Variants in HCRTR1 observed in about 807,000 individuals in gnomAD.
The protein encoded by HCRTR1 is orexin/Hypocretin receptor type 1.
HCRTR1 carries 28 observed loss-of-function variants against 40.6 expected under a neutral mutation model. The ratio of observed to expected loss-of-function variants is 0.69; its 90% CI spans 0.51 to 0.95. The LOEUF (loss-of-function observed/expected upper bound fraction) is 0.95, where lower values mean the gene tolerates loss of function less well. Ranked by LOEUF, HCRTR1 falls within the 40% of genes least tolerant of loss-of-function variation. HCRTR1 has a pLI of 0.00. For synonymous variants in HCRTR1, 209 were observed against 230.0 expected (o/e 0.91, Z 0.83); for missense variants, 482 against 564.7 (o/e 0.85, Z 1.48).
At chr1:31,621,167 G>T in intron 5 of HCRTR1, 81 bp downstream of exon 5, 1 of 1,505,300 alleles carries the variant, frequency 6.6e-7, no homozygotes, top group Non-Finnish European at 8.9e-7. Flanking sequence ...CATCTAGCAG[G>T]GTCCCTTCCA....
Position 31,623,766 on chromosome 1 carries a change from T to G in HCRTR1, c.965+17T>G. ...CCTTAAGAGGTGAGAGCACGGGGTA[T>G]GGTTGGGGTGGGGAGAAGTTTGAGG... On this transcript the variant is annotated intron_variant, in intron 7 of 8. Coordinates refer to ENST00000403528, the MANE Select transcript of HCRTR1 (RefSeq NM_001525.3). 2 of 1,593,304 alleles carry G rather than the reference T, an allele frequency of 1.3e-6. No individual in the cohort carries two copies. Among genetic ancestry groups the G allele is most frequent in the Non-Finnish European group, 1.7e-6 (2 of 1,163,980 alleles).
At chr1:31,632,696 C>A, downstream of HCRTR1, 2 of 1,566,242 alleles carry the variant, frequency 1.3e-6, no homozygotes, top group Admixed American at 3.5e-5. Flanking sequence ...GCCAAGGGTC[C>A]CCCTCAGGAC....
downstream of HCRTR1, chr1:31,630,624 G>T: frequency 1.2e-6 from 2 of 1,612,358 alleles, no homozygotes; most frequent in Non-Finnish European, 1.7e-6. Flanking sequence ...CATAGCATCC[G>T]AGAAGCTGTC....
chr1:31,626,543 G>C lies in HCRTR1; in HGVS notation c.1088-247G>C, dbSNP rs567579380. On this transcript the variant is annotated intron_variant, in intron 8 of 8. Coordinates refer to ENST00000403528, the MANE Select transcript of HCRTR1 (RefSeq NM_001525.3). The surrounding 1 kb of genome is among the most constrained non-coding windows in gnomAD (Gnocchi z 4.6). ...CACCACGTTTTGAGTCAGCCTCCGA[G>C]CCAGAGCACAGTCAAGGAATCAGAT... 6.6e-6 allele frequency among the ~76,000 whole-genome samples: 1 copy of C among 152,266 alleles called. No individual in the cohort carries two copies. Among genetic ancestry groups the C allele is most frequent in the East Asian group, 1.9e-4 (1 of 5,166 alleles).
At position 31,623,529 on chromosome 1, in the gene HCRTR1, G is replaced by A. The variant is rs772807472; in HGVS notation, c.745G>A (p.Gly249Ser). The A allele has an allele frequency of 5.6e-6, 9 of 1,611,972 alleles. No individual in the cohort carries two copies. The highest frequency in any genetic ancestry group is 1.1e-5 in the South Asian group (1 of 90,894). ...CTCTATGTGTGCTGGACAGATCCCC[G>A]GCACCACCTCAGCACTGGTGCGGAA... ...FRKLWGRQIP[G>S]TTSALVRNWK... The change falls in exon 7 of 9, where the codon GGC becomes AGC. Residue 249 changes from glycine to serine, a missense_variant. Gly to Ser is a moderately conservative substitution (Grantham distance 56, BLOSUM62 0). Transcript: ENST00000403528.
Position 31,626,938 on chromosome 1 carries a change from T to A in HCRTR1, c.1236T>A (p.Ser412=), listed in dbSNP as rs780619942. ...LQSRCSISKI[S]EHVVLTSVTT... ...GCCGATGCTCCATCTCCAAAATCTC[T>A]GAGCATGTGGTGCTCACCAGCGTCA... is the stretch of plus-strand genomic sequence containing the variant. The change falls in exon 9 of 9, where the codon TCT becomes TCA. Residue 412 remains serine, a synonymous_variant. Coordinates refer to ENST00000403528, the MANE Select transcript of HCRTR1 (RefSeq NM_001525.3). The surrounding 1 kb of genome is among the most constrained non-coding windows in gnomAD (Gnocchi z 4.6). The A allele has an allele frequency of 3.1e-6, 5 of 1,613,542 alleles. No individual in the cohort carries two copies. In the South Asian group the frequency reaches 5.5e-5, roughly 18 times the overall value.
chr1:31,618,874 G>C (rs962594357), intron 2 of HCRTR1, 58 bp downstream of exon 2: 2 of 379,964 alleles, frequency 5.3e-6, no homozygotes, highest in South Asian at 3.0e-5. Flanking sequence ...AAAGAGGCCA[G>C]GTAAGCTACC....
intron 5 of HCRTR1, 96 bp downstream of exon 5, chr1:31,621,182 G>A (rs183789456): frequency 1.4e-6 from 2 of 1,464,984 alleles, no homozygotes; most frequent in Admixed American, 4.2e-5. Flanking sequence ...CTTCCAAAGT[G>A]GGAAATCCCA....
rs923323164 is a variant in HCRTR1 at position 31,625,520 on chromosome 1, T to C, written c.1087+402T>C. Among the ~76,000 whole-genome samples, 2 of 152,180 alleles carry C rather than the reference T, an allele frequency of 1.3e-5. No homozygotes were observed. The highest frequency in any genetic ancestry group is 3.9e-4 in the East Asian group (2 of 5,190). ...CTGGAGCCCCTGCCCGAGGAAGGAT[T>C]GCACAGTCCAGGTGTCAGGGCTAAA... is the stretch of plus-strand genomic sequence containing the variant. On this transcript the variant is annotated intron_variant, in intron 8 of 8. Transcript: ENST00000403528. This position sits in a 1 kb window ranked among gnomAD's most constrained non-coding sequence, Gnocchi z 4.2.
intron 1 of HCRTR1, among the ~76,000 whole-genome samples, chr1:31,618,325 G>A (rs1639774018): frequency 1.3e-5 from 2 of 152,222 alleles, no homozygotes; most frequent in Admixed American, 6.5e-5. Context: ...GGCGGCCGTC[G>A]GGGAGCGTCG....
Position 31,626,768 on chromosome 1 carries a change from T to C in HCRTR1, c.1088-22T>C. The C allele has an allele frequency of 1.3e-6, 2 of 1,563,482 alleles. No individual in the cohort carries two copies. The highest frequency in any genetic ancestry group is 1.7e-6 in the Non-Finnish European group (2 of 1,148,922). ...TGCTGCATCTGTCTCCTTATGGCTG[T>C]GTCTTTTGTCTCCCAACCAAGGCAA... On this transcript the variant is annotated intron_variant, in intron 8 of 8. Transcript: ENST00000403528. This position sits in a 1 kb window ranked among gnomAD's most constrained non-coding sequence, Gnocchi z 4.6.
rs1349156200 is a variant in HCRTR1, at chr1:31,627,026, C to T, written c.*46C>T. 1 of 1,571,236 alleles carries T rather than the reference C, an allele frequency of 6.4e-7. No individual in the cohort carries two copies. The highest frequency in any genetic ancestry group is 1.2e-5 in the South Asian group (1 of 86,798). ...TCCGGCTCGGGGGATCTGCCCCTAC[C>T]CCTCATGGAAAGACAGCTGGATGTG... On this transcript the variant is annotated 3_prime_UTR_variant, in exon 9 of 9. Coordinates refer to ENST00000403528, the MANE Select transcript of HCRTR1 (RefSeq NM_001525.3).
downstream of HCRTR1, among the ~76,000 whole-genome samples, chr1:31,631,378 C>T (rs1406702988): frequency 6.6e-6 from 1 of 152,168 alleles, no homozygotes; most frequent in East Asian, 1.9e-4. Flanking sequence ...CAGTGACTGG[C>T]ACAGAAAAAG....
chr1:31,628,228 CA>C (rs1201385358), downstream of HCRTR1, among the ~76,000 whole-genome samples: 1 of 152,254 alleles, frequency 6.6e-6, no homozygotes, highest in East Asian at 1.9e-4. Flanking sequence ...AGAACGTGGG[CA>C]GAGCCCTGGT....
downstream of HCRTR1, chr1:31,630,598 C>T (rs759237351): frequency 6.2e-7 from 1 of 1,610,984 alleles, no homozygotes; most frequent in Non-Finnish European, 8.5e-7. Flanking sequence ...ACTCCACTCT[C>T]CACAGATGGT....
At chr1:31,629,754 C>T (rs548502547), downstream of HCRTR1, 45 of 152,360 alleles carry the variant, frequency 3.0e-4, no homozygotes, top group African/African-American at 1.1e-3. Context: ...GGCAATGTCC[C>T]CCCAAGCTGC....
chr1:31,626,677 TC>T lies in HCRTR1; in HGVS notation c.1088-109del. 1 of 338,150 alleles carries T rather than the reference TC, an allele frequency of 3.0e-6. No individual in the cohort carries two copies. The allele number at this position is 338,150 out of a possible 1,614,324, so 20.9% of individuals were successfully genotyped here. ...CCTCCCAGCTCTATCCCTCCCTCCC[TC>T]CCCGCCCCCTCATAGGCAGCTTGGC... On this transcript the variant is annotated intron_variant, in intron 8 of 8. Coordinates refer to ENST00000403528, the MANE Select transcript of HCRTR1 (RefSeq NM_001525.3). This position sits in a 1 kb window ranked among gnomAD's most constrained non-coding sequence, Gnocchi z 4.6.
chr1:31,625,196 G>T lies in HCRTR1; in HGVS notation c.1087+78G>T. On this transcript the variant is annotated intron_variant, in intron 8 of 8. Coordinates refer to ENST00000403528, the MANE Select transcript of HCRTR1 (RefSeq NM_001525.3). This position sits in a 1 kb window ranked among gnomAD's most constrained non-coding sequence, Gnocchi z 4.2. ...CAAGTCTCCCCATCCCCAAGCCAGGGCCCAAATAAAGGATGGTGGGTGAGG... is the reference window on the plus strand; with the variant it reads ...CAAGTCTCCCCATCCCCAAGCCAGGTCCCAAATAAAGGATGGTGGGTGAGG... 3 of 1,439,938 alleles carry T rather than the reference G, an allele frequency of 2.1e-6. No individual in the cohort carries two copies. The highest frequency in any genetic ancestry group is 2.8e-5 in the South Asian group (2 of 72,388). The allele number at this position is 1,439,938 out of a possible 1,614,324, so 89.2% of individuals were successfully genotyped here. A position where few individuals can be genotyped will look rare whatever the true frequency, so the allele number is the denominator to read the frequency against.
Position 31,625,297 on chromosome 1 carries a change from G to A in HCRTR1, c.1087+179G>A, listed in dbSNP as rs534997696. 6.6e-6 allele frequency among the ~76,000 whole-genome samples: 1 copy of A among 152,308 alleles called. No homozygotes were observed. The highest frequency in any genetic ancestry group is 1.5e-5 in the Non-Finnish European group (1 of 68,016). On this transcript the variant is annotated intron_variant, in intron 8 of 8. Coordinates refer to ENST00000403528, the MANE Select transcript of HCRTR1 (RefSeq NM_001525.3). The surrounding 1 kb of genome is among the most constrained non-coding windows in gnomAD (Gnocchi z 4.2). ...GCGGCCCTGGCCTGAGTGGGAGACG[G>A]GCCACACTCCCTACAGTGGCTGGCA...
Sources: allele counts gnomAD v4.1 joint callset (sites outside exome capture counted in the v4.1 genomes callset), GRCh38; gene constraint gnomAD v4.1.1; non-coding constraint Gnocchi (gnomAD v3.1); transcripts MANE v1.5; gene names NCBI Gene and HGNC (gene_info 2026-07-23, HGNC 2026-07-21).